Variants in BPNT1 observed in about 807,000 individuals in gnomAD.
BPNT1 encodes 3'(2'),5'-bisphosphate nucleotidase 1.
Under a neutral mutation model 36.9 loss-of-function variants are expected in BPNT1, and 28 were observed. The observed-to-expected ratio is 0.76, with a 90% CI of 0.56 to 1.04. The LOEUF (loss-of-function observed/expected upper bound fraction) is 1.04. Ranked by LOEUF, BPNT1 falls within the 50% of genes least tolerant of loss-of-function variation. The pLI is 0.00. For missense variants in BPNT1, 313 were observed against 372.9 expected (o/e 0.84, Z 1.32); for synonymous variants, 119 against 130.9 (o/e 0.91, Z 0.62).
At chr1:220,060,855 A>C (rs959102875) in intron 7 of BPNT1, among the ~76,000 whole-genome samples, 1 of 152,180 alleles carries the variant, frequency 6.6e-6, no homozygotes, top group Non-Finnish European at 1.5e-5. Flanking sequence ...GATTTGGTCC[A>C]GAAAGGTGGA....
chr1:220,067,855 C>T (rs1375899992), intron 5 of BPNT1, among the ~76,000 whole-genome samples: 7 of 152,180 alleles, frequency 4.6e-5, no homozygotes, highest in African/African-American at 1.4e-4. Flanking sequence ...TACAGATCTT[C>T]TCAGGCTCCT....
At chr1:220,068,101 TTTTTAAGCC>T (rs1408770081) in intron 5 of BPNT1, among the ~76,000 whole-genome samples, 15 of 152,326 alleles carry the variant, frequency 9.8e-5, no homozygotes, top group African/African-American at 3.6e-4. Flanking sequence ...TATGATAAAT[TTTTTAAGCC>T]ATGTCCTGAG....
chr1:220,069,635 G>A (rs1347690718), intron 4 of BPNT1, among the ~76,000 whole-genome samples: 1 of 152,084 alleles, frequency 6.6e-6, no homozygotes, highest in Non-Finnish European at 1.5e-5. Flanking sequence ...TAAGAAAAAA[G>A]TCTGATTTAA....
rs1018310864 is a variant in BPNT1 at position 220,069,435 on chromosome 1, A to G, written c.334-3T>C. On this transcript the variant is annotated splice_polypyrimidine_tract_variant and splice_region_variant and intron_variant, in intron 4 of 8. Transcript: ENST00000322067. ...AGAGGATCAACCCAGACCACGAGCT[A>G]AAATTAAAAAGAGAGAAGGAAAATA... The G allele has an allele frequency of 1.2e-6, 2 of 1,601,022 alleles. No individual in the cohort carries two copies. Among genetic ancestry groups the G allele is most frequent in the Non-Finnish European group, 1.7e-6 (2 of 1,174,688 alleles).
intron 7 of BPNT1, among the ~76,000 whole-genome samples, chr1:220,060,652 T>C (rs1274838778): frequency 6.6e-6 from 1 of 152,216 alleles, no homozygotes; most frequent in African/African-American, 2.4e-5. Flanking sequence ...GCCATTTCAC[T>C]ACCAAAATAC....
chr1:220,068,557 TC>T (rs1375895968), intron 5 of BPNT1, among the ~76,000 whole-genome samples: 2 of 150,450 alleles, frequency 1.3e-5, no homozygotes, highest in Non-Finnish European at 3.0e-5. Context: ...ACACCTGTAA[TC>T]CCAGCACTTT....
intron 1 of BPNT1, among the ~76,000 whole-genome samples, chr1:220,080,431 A>G (rs139869024): frequency 7.2e-5 from 11 of 152,306 alleles, no homozygotes; most frequent in African/African-American, 2.6e-4. Context: ...CAAGAACCGC[A>G]ATTACTTCTG....
In BPNT1 at chr1:220,069,174, G is replaced by A. The variant is rs113190301; in HGVS notation, c.382+210C>T. Among the ~76,000 whole-genome samples the A allele has an allele frequency of 7.0e-3, 1,063 of 152,310 alleles. 15 individuals are homozygous for A. The highest frequency in any genetic ancestry group is 0.024 in the African/African-American group (1,001 of 41,560). On this transcript the variant is annotated intron_variant, in intron 5 of 8. Coordinates refer to ENST00000322067, the MANE Select transcript of BPNT1 (RefSeq NM_006085.6). ...TAGAAGTGTGGGGCTGGTGGAGTAT[G>A]TGGGGGGTGGTATTTGAAGGAGATG...
Position 220,077,277 on chromosome 1 carries a change from A to C in BPNT1, c.120+2450T>G, listed in dbSNP as rs1286334424. Among the ~76,000 whole-genome samples, 3 of 152,202 alleles carry C rather than the reference A, an allele frequency of 2.0e-5. No homozygotes were observed. In the East Asian group the frequency reaches 5.8e-4, roughly 29 times the overall value. ...AATATTTTCTTAAATAGAAAATGAC[A>C]GACTATAAAAAATGTTTTGCTTAAA... is the stretch of plus-strand genomic sequence containing the variant. On this transcript the variant is annotated intron_variant, in intron 2 of 8. Transcript: ENST00000322067.
chr1:220,078,325 C>T (rs1233926392), intron 2 of BPNT1, among the ~76,000 whole-genome samples: 2 of 140,446 alleles, frequency 1.4e-5, no homozygotes, highest in African/African-American at 5.3e-5. Flanking sequence ...ATATATATAA[C>T]ATATAATATA....
At chr1:220,086,743 T>C (rs1655763519) in intron 1 of BPNT1, among the ~76,000 whole-genome samples, 1 of 151,796 alleles carries the variant, frequency 6.6e-6, no homozygotes, top group Admixed American at 6.6e-5. Context: ...GCCAGGCTAA[T>C]TTTTGTACTG....
chr1:220,058,613 C>T lies in BPNT1; in HGVS notation c.*231G>A. 4 of 800,462 alleles carry T rather than the reference C, an allele frequency of 5.0e-6. No homozygotes were observed. The highest frequency in any genetic ancestry group is 6.7e-6 in the Non-Finnish European group (4 of 592,738). The allele number at this position is 800,462 out of a possible 1,614,324, so 49.6% of individuals were successfully genotyped here. On this transcript the variant is annotated 3_prime_UTR_variant, in exon 9 of 9. Coordinates refer to ENST00000322067, the MANE Select transcript of BPNT1 (RefSeq NM_006085.6). The stretch of plus-strand genomic sequence containing the variant: ...GTGGCACGATCTCAGCTCACTGCAA[C>T]CTCTGCCTTCCGGGCTCAAGAGATT...
chr1:220,082,788 T>C (rs1309849865), intron 1 of BPNT1, among the ~76,000 whole-genome samples: 1 of 151,974 alleles, frequency 6.6e-6, no homozygotes, highest in African/African-American at 2.4e-5. Context: ...GGATTCACCA[T>C]GTTGGCCAGG....
At position 220,075,437 on chromosome 1, in the gene BPNT1, T is replaced by C. The variant is rs555669233; in HGVS notation, c.121-1366A>G. Among the ~76,000 whole-genome samples, 9 of 152,330 alleles carry C rather than the reference T, an allele frequency of 5.9e-5. No homozygotes were observed. The East Asian group carries it at 1.7e-3, about 29-fold the overall frequency. On this transcript the variant is annotated intron_variant, in intron 2 of 8. Transcript: ENST00000322067. The stretch of plus-strand genomic sequence containing the variant: ...GCCTCACTGAGATTTGCTGTATATC[T>C]CAATGCAAAGTACTATTCTGCTAGA...
intron 2 of BPNT1, among the ~76,000 whole-genome samples, chr1:220,077,748 C>G (rs1664683887): frequency 6.6e-6 from 1 of 152,042 alleles, no homozygotes; most frequent in African/African-American, 2.4e-5. Context: ...AGATATATCA[C>G]TCATAAGTGA....
chr1:220,063,217 G>A (rs1663221598), intron 6 of BPNT1, among the ~76,000 whole-genome samples: 1 of 152,088 alleles, frequency 6.6e-6, no homozygotes, highest in Non-Finnish European at 1.5e-5. Flanking sequence ...GCATGGTGGT[G>A]GGTGCCTGTA....
intron 1 of BPNT1, among the ~76,000 whole-genome samples, chr1:220,082,205 G>C (rs1027328638): frequency 2.0e-5 from 3 of 148,988 alleles, no homozygotes; most frequent in African/African-American, 7.4e-5. Flanking sequence ...TTTTGAGACA[G>C]AGTCTTGCTC....
intron 2 of BPNT1, among the ~76,000 whole-genome samples, chr1:220,074,686 G>A (rs1664384817): frequency 3.3e-5 from 5 of 151,390 alleles, no homozygotes; most frequent in Admixed American, 2.6e-4. Context: ...AGTAGAGACA[G>A]GGATTCACCA....
intron 4 of BPNT1, among the ~76,000 whole-genome samples, chr1:220,070,908 C>T (rs566349924): frequency 1.5e-4 from 23 of 150,768 alleles, no homozygotes; most frequent in East Asian, 4.2e-4. Context: ...GAGGCTGAGG[C>T]GGGCAGATCA....
Sources: gnomAD v4.1 joint callset for allele counts (sites outside exome capture counted in the v4.1 genomes callset) on GRCh38, gnomAD v4.1.1 for gene constraint, MANE v1.5 for transcripts, NCBI Gene and HGNC (gene_info 2026-07-23, HGNC 2026-07-21) for gene names.